The following TENM2 variants were observed in gnomAD, a reference collection of about 807,000 sequenced individuals.
TENM2 encodes teneurin transmembrane protein 2, also known as teneurin-2.
A neutral mutation model predicts 245.2 loss-of-function variants in TENM2; 52 were observed. The observed-to-expected ratio is 0.21, with a 90% confidence interval of 0.17 to 0.27. The LOEUF (loss-of-function observed/expected upper bound fraction) is 0.27. Among genes scored for constraint, TENM2 ranks in the 10% least tolerant of loss-of-function variants. The pLI, the probability that TENM2 is intolerant of heterozygous loss-of-function variation, is 1.00. For synonymous variants in TENM2, 1,363 were observed against 1,438.9 expected, an observed-to-expected ratio of 0.95 and a Z score of 1.19; for missense variants, 3,046 against 3,666.8, an observed-to-expected ratio of 0.83 and a Z score of 4.37.
the TENM2 span, among the ~76,000 whole-genome samples, chr5:167,048,934 A>C: frequency 3.3e-5 from 5 of 152,118 alleles, no homozygotes; most frequent in Non-Finnish European, 1.5e-5. Context: ...AAATTTTGCA[A>C]GTGGGGATGG....
intron 3 of TENM2, among the ~76,000 whole-genome samples, chr5:167,895,977 A>G (rs1775185981): frequency 6.6e-6 from 1 of 152,270 alleles, no homozygotes; most frequent in Admixed American, 6.5e-5. Flanking sequence ...AACTAAGACC[A>G]GGTACTTGGC....
the TENM2 span, among the ~76,000 whole-genome samples, chr5:167,037,437 A>G: frequency 6.6e-6 from 1 of 152,154 alleles, no homozygotes; most frequent in African/African-American, 2.4e-5. Flanking sequence ...TATGATTTGG[A>G]GATTTTTGTT....
chr5:167,553,336 G>T (rs567829533), intron 2 of TENM2, among the ~76,000 whole-genome samples: 2 of 152,284 alleles, frequency 1.3e-5, no homozygotes, highest in East Asian at 3.9e-4. Flanking sequence ...AAATGGGGCT[G>T]GAGGGGCAGC....
At chr5:168,129,603 A>G (rs780693728) in intron 12 of TENM2, 3 of 152,244 alleles carry the variant, frequency 2.0e-5, no homozygotes, top group Non-Finnish European at 2.9e-5. Flanking sequence ...AACAAAGCCA[A>G]GCATACCTTG....
chr5:167,288,059 C>CT (rs567314318), intron 1 of TENM2, among the ~76,000 whole-genome samples: 9 of 151,146 alleles, frequency 6.0e-5, no homozygotes, highest in African/African-American at 9.7e-5. Flanking sequence ...ACAAGCTTGT[C>CT]TTTTTTTTTG....
At chr5:168,204,666 A>C in intron 19 of TENM2, 45 bp downstream of exon 21, 1 of 1,598,472 alleles carries the variant, frequency 6.3e-7, no homozygotes, top group Non-Finnish European at 8.5e-7. Flanking sequence ...CTTGCCCCCC[A>C]TAACTCCTGA....
At chr5:167,534,084 C>G (rs1771694881) in intron 2 of TENM2, among the ~76,000 whole-genome samples, 1 of 152,106 alleles carries the variant, frequency 6.6e-6, no homozygotes, top group South Asian at 2.1e-4. Flanking sequence ...AGGATAAGAG[C>G]TGAATAACTA....
intron 2 of TENM2, among the ~76,000 whole-genome samples, chr5:167,764,921 C>T (rs146547646): frequency 6.6e-6 from 1 of 152,226 alleles, no homozygotes; most frequent in East Asian, 1.9e-4. Flanking sequence ...GGATATACCA[C>T]ATTTTAGAGA....
chr5:167,365,800 A>G (rs904064792), intron 1 of TENM2, among the ~76,000 whole-genome samples: 2 of 152,066 alleles, frequency 1.3e-5, no homozygotes, highest in African/African-American at 4.8e-5. Flanking sequence ...TTGACAAAAC[A>G]GTATTGAGAA....
the TENM2 span, among the ~76,000 whole-genome samples, chr5:167,237,956 GCCAA>G: frequency 1.5e-5 from 2 of 135,836 alleles, no homozygotes; most frequent in African/African-American, 5.7e-5. Flanking sequence ...GTTGCAGTGA[GCCAA>G]GATCATGCCA....
chr5:167,445,336 T>TAGAGAGAGAGAGAGAGAGAG (rs1554154174), intron 2 of TENM2, among the ~76,000 whole-genome samples: 57 of 77,284 alleles, frequency 7.4e-4, no homozygotes, highest in African/African-American at 9.4e-4. Flanking sequence ...TATATATATA[T>TAGAGAGAGAGAGAGAGAGAG]AGAGAGAGAG....
At chr5:167,137,434 C>A in the TENM2 span, among the ~76,000 whole-genome samples, 1 of 151,954 alleles carries the variant, frequency 6.6e-6, no homozygotes, top group Non-Finnish European at 1.5e-5. Context: ...AAAAAGGTTG[C>A]GAATGCACCT....
intron 19 of TENM2, 60 bp from the exon 22 acceptor site, chr5:168,211,674 A>C (rs765065901): frequency 3.1e-5 from 34 of 1,084,490 alleles, no homozygotes; most frequent in Non-Finnish European, 4.5e-5. Flanking sequence ...TGTTTGCTTT[A>C]TCATCAATTC....
intron 4 of TENM2, among the ~76,000 whole-genome samples, chr5:167,973,288 C>G (rs909225499): frequency 4.6e-5 from 7 of 152,288 alleles, no homozygotes; most frequent in Non-Finnish European, 8.8e-5. Context: ...TATATAGTTA[C>G]TTTATCTGAA....
intron 27 of TENM2, among the ~76,000 whole-genome samples, chr5:168,250,166 GGATGGGTAAATAGAT>G (rs1488338960): frequency 7.4e-5 from 9 of 122,356 alleles, no homozygotes; most frequent in African/African-American, 2.7e-4. Context: ...ATGGATGGAT[GGATGGGTAAATAGAT>G]GGATAAATTG....
chr5:167,089,025 C>T, the TENM2 span, among the ~76,000 whole-genome samples: 9 of 152,146 alleles, frequency 5.9e-5, no homozygotes, highest in Non-Finnish European at 1.2e-4. Context: ...TAATCACAAG[C>T]CTTCCATAAT....
intron 23 of TENM2, among the ~76,000 whole-genome samples, chr5:168,221,089 G>A (rs1763626542): frequency 6.6e-6 from 1 of 151,444 alleles, no homozygotes; most frequent in Non-Finnish European, 1.5e-5. Context: ...TCCAGCCTGG[G>A]CGACAGAGCA....
chr5:167,690,923 A>ATGTGTGTGTGTG (rs375456466), intron 2 of TENM2, among the ~76,000 whole-genome samples: 3 of 78,732 alleles, frequency 3.8e-5, no homozygotes, highest in South Asian at 5.8e-4. Flanking sequence ...ATATGCGAGT[A>ATGTGTGTGTGTG]TGTGTGTGTG....
At chr5:168,148,428 G>A (rs1756306424) in intron 12 of TENM2, among the ~76,000 whole-genome samples, 1 of 152,204 alleles carries the variant, frequency 6.6e-6, no homozygotes, top group Admixed American at 6.5e-5. Context: ...TGCCACACAT[G>A]AATGTACCTC....
Sources: allele counts gnomAD v4.1 joint callset (sites outside exome capture counted in the v4.1 genomes callset), GRCh38; gene constraint gnomAD v4.1.1; transcripts MANE v1.5; gene names NCBI Gene and HGNC (gene_info 2026-07-23, HGNC 2026-07-21).